The following DLG2 variants were observed in gnomAD, a reference collection of about 807,000 sequenced individuals.
DLG2 encodes the protein disks large homolog 2.
Under a neutral mutation model 132.5 loss-of-function variants are expected in DLG2, and 45 were observed. That is an observed-to-expected ratio of 0.34 (90% confidence interval 0.27 to 0.44). The LOEUF is 0.44. Ranked by LOEUF, DLG2 falls within the 20% of genes least tolerant of loss-of-function variation. The pLI, the probability that DLG2 is intolerant of heterozygous loss-of-function variation, is 1.00. For synonymous variants in DLG2, 424 were observed against 419.6 expected (o/e 1.01, Z -0.13); for missense variants, 1,045 against 1,196.9 (o/e 0.87, Z 1.87).
At chr11:84,669,946 C>T (rs183901373) in intron 6 of DLG2, among the ~76,000 whole-genome samples, 226 of 152,204 alleles carry the variant, frequency 1.5e-3, no homozygotes, top group African/African-American at 5.0e-3. Context: ...TGAAGAGAGA[C>T]CAGCACATAC....
At chr11:83,770,454 T>A (rs1057125800) in intron 18 of DLG2, among the ~76,000 whole-genome samples, 6 of 151,780 alleles carry the variant, frequency 4.0e-5, no homozygotes, top group Non-Finnish European at 7.4e-5. Context: ...GCCTGTCGGG[T>A]GAAGGATGAG....
intron 5 of DLG2, among the ~76,000 whole-genome samples, chr11:85,150,196 A>AT (rs2077143464): frequency 6.6e-6 from 1 of 151,204 alleles, no homozygotes; most frequent in East Asian, 2.0e-4. Flanking sequence ...ATTTTTTTGT[A>AT]TTTTTAGTAG....
chr11:84,726,222 C>T (rs145398285), intron 6 of DLG2, among the ~76,000 whole-genome samples: 82 of 152,170 alleles, frequency 5.4e-4, no homozygotes, highest in Admixed American at 7.9e-4. Flanking sequence ...ACCATCATCC[C>T]GTCTCCTACG....
Position 83,796,471 on chromosome 11 carries a change from G to A in DLG2, c.1723-9679C>T, listed in dbSNP as rs150741614. Among the ~76,000 whole-genome samples, 945 of 152,146 alleles carry A rather than the reference G, an allele frequency of 6.2e-3. 8 individuals carry two copies. The highest frequency in any genetic ancestry group is 0.02 in the Middle Eastern group (6 of 294). The stretch of plus-strand genomic sequence containing the variant: ...CCAGGGAGTGATCCCACTCCCTTCC[G>A]CATCCCTTCATATCATTCTCACCAA... On this transcript the variant is annotated intron_variant, in intron 17 of 27. Coordinates refer to ENST00000376104, the MANE Select transcript of DLG2 (RefSeq NM_001142699.3).
chr11:84,743,418 T>C (rs2064947959), intron 6 of DLG2, among the ~76,000 whole-genome samples: 2 of 152,220 alleles, frequency 1.3e-5, no homozygotes, highest in Admixed American at 1.3e-4. Flanking sequence ...TATTCCTATT[T>C]ACTTATATTC....
chr11:83,706,938 G>A (rs1441238631), intron 18 of DLG2, among the ~76,000 whole-genome samples: 1 of 152,110 alleles, frequency 6.6e-6, no homozygotes, highest in African/African-American at 2.4e-5. Context: ...AACCCATATG[G>A]GGTCATGATA....
At chr11:84,207,075 C>CTA (rs1478236533) in intron 8 of DLG2, among the ~76,000 whole-genome samples, 4 of 105,718 alleles carry the variant, frequency 3.8e-5, no homozygotes, top group African/African-American at 1.3e-4. Flanking sequence ...CTCTCTCTCT[C>CTA]TCTCTCTATA....
chr11:84,817,447 T>C (rs1157476375), intron 6 of DLG2, among the ~76,000 whole-genome samples: 1 of 151,964 alleles, frequency 6.6e-6, no homozygotes, highest in Non-Finnish European at 1.5e-5. Flanking sequence ...GAGCTCTAGA[T>C]GTGCCCAGCA....
At chr11:83,590,270 C>A (rs1335688242) in intron 19 of DLG2, among the ~76,000 whole-genome samples, 1 of 151,978 alleles carries the variant, frequency 6.6e-6, no homozygotes, top group Non-Finnish European at 1.5e-5. Flanking sequence ...TGTAAAAGAA[C>A]AGAAATTATA....
chr11:85,046,328 G>A (rs1258628040), intron 6 of DLG2, among the ~76,000 whole-genome samples: 3 of 151,960 alleles, frequency 2.0e-5, no homozygotes, highest in Non-Finnish European at 4.4e-5. Context: ...ATCTTAGTTT[G>A]TATTCTGATA....
intron 19 of DLG2, among the ~76,000 whole-genome samples, chr11:83,612,915 T>C (rs575141810): frequency 6.6e-6 from 1 of 152,250 alleles, no homozygotes; most frequent in African/African-American, 2.4e-5. Context: ...TCTTTACCTA[T>C]TTGGTGATCA....
intron 3 of DLG2, among the ~76,000 whole-genome samples, chr11:85,313,336 A>G (rs1209178840): frequency 6.6e-6 from 1 of 151,962 alleles, no homozygotes; most frequent in African/African-American, 2.4e-5. Flanking sequence ...CTACCTAACC[A>G]TGTACAGTCA....
chr11:83,686,017 A>T (rs1045093798), intron 18 of DLG2, among the ~76,000 whole-genome samples: 2 of 151,172 alleles, frequency 1.3e-5, no homozygotes, highest in Non-Finnish European at 2.9e-5. Flanking sequence ...TCTTTTTTCC[A>T]TCTCCACCCT....
chr11:84,663,977 G>T (rs1172859182), intron 6 of DLG2, among the ~76,000 whole-genome samples: 2 of 152,108 alleles, frequency 1.3e-5, no homozygotes, highest in East Asian at 3.9e-4. Context: ...GAAATCCTAG[G>T]CCTCTTTGGA....
chr11:83,830,938 G>A (rs537632234), intron 17 of DLG2, among the ~76,000 whole-genome samples: 6 of 152,296 alleles, frequency 3.9e-5, no homozygotes, highest in East Asian at 3.9e-4. Context: ...AAAGTGGTCC[G>A]CAAGTATACA....
At chr11:85,423,797 G>A (rs2090501644) in intron 3 of DLG2, among the ~76,000 whole-genome samples, 1 of 152,172 alleles carries the variant, frequency 6.6e-6, no homozygotes, top group Non-Finnish European at 1.5e-5. Flanking sequence ...CAACAGAACT[G>A]AGTCTATTTC....
chr11:83,856,949 T>C (rs2060627351), intron 16 of DLG2, among the ~76,000 whole-genome samples: 1 of 152,238 alleles, frequency 6.6e-6, no homozygotes, highest in South Asian at 2.1e-4. Context: ...AGGGATTTTA[T>C]AGTTTTGGGT....
Position 84,786,999 on chromosome 11 carries a change from A to G in DLG2, c.358-252268T>C, listed in dbSNP as rs577319245. On this transcript the variant is annotated intron_variant, in intron 6 of 27. Transcript: ENST00000376104. ...TGTAAAAATTCAGATCTAATCTAGG[A>G]ACCCAAACCAATCTAATTAGAGTGT... Among the ~76,000 whole-genome samples, 3 of 152,250 alleles carry G rather than the reference A, an allele frequency of 2.0e-5. No individual in the cohort carries two copies. In the South Asian group the frequency reaches 6.2e-4, roughly 32 times the overall value.
At chr11:83,918,152 T>C (rs913483366) in intron 15 of DLG2, among the ~76,000 whole-genome samples, 2 of 152,078 alleles carry the variant, frequency 1.3e-5, no homozygotes, top group Non-Finnish European at 2.9e-5. Flanking sequence ...TGGCATTCCA[T>C]GAAAGAGGTC....
Sources: allele counts gnomAD v4.1 joint callset (sites outside exome capture counted in the v4.1 genomes callset), GRCh38; gene constraint gnomAD v4.1.1; transcripts MANE v1.5; gene names NCBI Gene and HGNC (gene_info 2026-07-23, HGNC 2026-07-21).